Variants in TSPAN10 observed in about 807,000 individuals in gnomAD.
TSPAN10 encodes tetraspanin-10.
A neutral mutation model predicts 15.0 loss-of-function variants in TSPAN10; 11 were observed. The ratio of observed to expected loss-of-function variants is 0.73; its 90% CI spans 0.46 to 1.21. The LOEUF (loss-of-function observed/expected upper bound fraction) is 1.21, where lower values mean the gene tolerates loss of function less well. Among genes scored for constraint, TSPAN10 ranks in the 50% most tolerant of loss-of-function variants. The pLI is 0.00. For missense variants in TSPAN10, 486 were observed against 470.6 expected, an observed-to-expected ratio of 1.03 and a Z score of -0.30; for synonymous variants, 241 against 226.2, an observed-to-expected ratio of 1.07 and a Z score of -0.59.
At chr17:81,645,136 C>A in exon 2 of TSPAN10, 1 of 1,574,884 alleles carries the variant, frequency 6.3e-7, no homozygotes, top group Non-Finnish European at 8.6e-7. Context: ...GAGTGGCACC[C>A]CCAAGAAAGG....
rs775434566 is a variant in TSPAN10 at position 81,645,171 on chromosome 17, G to T, written c.216G>T (p.Gly72=). 3 of 1,553,180 alleles carry T rather than the reference G, an allele frequency of 1.9e-6. No individual in the cohort carries two copies. The Admixed American group carries it at 6.5e-5, about 34-fold the overall frequency. Residue 72 remains glycine (G), a synonymous_variant, in exon 2 of 3, where the codon GGG becomes GGT. Transcript: ENST00000611590. Reference sequence around the variant, plus strand: ...GACCAGCCCCTTCCCTCTCCCCAGGGAGCAGCTGCGTCAAGTATCTGATCT... The same window carrying T: ...GACCAGCCCCTTCCCTCTCCCCAGGTAGCAGCTGCGTCAAGTATCTGATCT...
At chr17:81,645,724 C>A in intron 2 of TSPAN10, 95 bp downstream of exon 3, 1 of 1,471,868 alleles carries the variant, frequency 6.8e-7, no homozygotes, top group Non-Finnish European at 9.3e-7. Flanking sequence ...CACGTACATA[C>A]TCATTCGTGC....
intron 1 of TSPAN10, among the ~76,000 whole-genome samples, chr17:81,642,933 C>T (rs1234732351): frequency 1.3e-5 from 2 of 151,460 alleles, no homozygotes; most frequent in Admixed American, 6.6e-5. Flanking sequence ...GGGAAGATTG[C>T]GTGAGCCCAG....
chr17:81,645,975 A>G (rs2036247588), intron 2 of TSPAN10: 1 of 402,540 alleles, frequency 2.5e-6, no homozygotes, highest in South Asian at 2.6e-5. Flanking sequence ...TCCTTGTTCT[A>G]TGGGCTCAGG....
chr17:81,645,678 G>T (rs766322269), intron 2 of TSPAN10, 49 bp downstream of exon 3: 4 of 1,601,384 alleles, frequency 2.5e-6, no homozygotes, highest in Admixed American at 1.7e-5. Flanking sequence ...GGTCGCAGAG[G>T]CCACACACCC....
chr17:81,648,367 G>C, downstream of TSPAN10: 1 of 1,165,390 alleles, frequency 8.6e-7, no homozygotes. Flanking sequence ...AAAAAGCGCG[G>C]CCTGCGCCGC....
intron 2 of TSPAN10, 141 bp downstream of exon 3, chr17:81,645,770 C>A: frequency 9.3e-7 from 1 of 1,071,580 alleles, no homozygotes; most frequent in Non-Finnish European, 1.4e-6. Flanking sequence ...CCCACATGTA[C>A]ACGCATATCC....
chr17:81,645,740 C>A, intron 2 of TSPAN10, 111 bp downstream of exon 3: 1 of 1,294,728 alleles, frequency 7.7e-7, no homozygotes, highest in South Asian at 1.3e-5. Context: ...CGTGCATGCC[C>A]ACATGCATGC....
chr17:81,645,941 A>G, intron 2 of TSPAN10: 1 of 519,400 alleles, frequency 1.9e-6, no homozygotes, highest in Admixed American at 3.4e-5. Flanking sequence ...TGTCATGCAC[A>G]CAAGGTATAG....
At chr17:81,639,396 CAG>C (rs2036156616), upstream of TSPAN10, among the ~76,000 whole-genome samples, 1 of 151,590 alleles carries the variant, frequency 6.6e-6, no homozygotes, top group African/African-American at 2.4e-5. Flanking sequence ...TTAGTAGAGA[CAG>C]GGTTTCACCA....
chr17:81,640,174 G>A (rs1230708017), upstream of TSPAN10, among the ~76,000 whole-genome samples: 1 of 151,976 alleles, frequency 6.6e-6, no homozygotes, highest in African/African-American at 2.4e-5. Flanking sequence ...AGTAGAGATG[G>A]GATCTTGCTA....
At chr17:81,646,979 A>G (rs2036263481) in intron 2 of TSPAN10, among the ~76,000 whole-genome samples, 1 of 151,970 alleles carries the variant, frequency 6.6e-6, no homozygotes, top group Non-Finnish European at 1.5e-5. Context: ...CACCCCAAGC[A>G]GCACCTACTC....
upstream of TSPAN10, among the ~76,000 whole-genome samples, chr17:81,641,728 C>T (rs1258644734): frequency 6.8e-6 from 1 of 146,364 alleles, no homozygotes; most frequent in Non-Finnish European, 1.5e-5. Flanking sequence ...CCAGCCTGGG[C>T]AGCACAGCAG....
chr17:81,647,910 C>CTAAG lies in TSPAN10; in HGVS notation c.685_686insAAGT (p.Cys229Ter), dbSNP rs1392205655. ...TCCATGCGCCTTGCAGGTACTTTAA[C>CTAAG]TGCAGCTCCCCCGGGGTGCAGGCCT... On this transcript the variant is annotated stop_gained and frameshift_variant, in exon 3 of 3. Coordinates refer to ENST00000611590, the Ensembl canonical transcript of TSPAN10. LOFTEE classifies it low-confidence loss of function (END_TRUNC). The CTAAG allele has an allele frequency of 1.2e-3, 1,863 of 1,603,412 alleles. 2 individuals are homozygous for CTAAG. The highest frequency in any genetic ancestry group is 1.5e-3 in the Non-Finnish European group (1,763 of 1,178,496).
downstream of TSPAN10, chr17:81,648,323 C>G (rs1362944013): frequency 1.7e-6 from 2 of 1,202,924 alleles, no homozygotes; most frequent in Non-Finnish European, 2.1e-6. Context: ...GAGACCGCCA[C>G]GCACAGGGAT....
chr17:81,648,057 G>A lies in TSPAN10; in HGVS notation c.831G>A (p.Glu277=), dbSNP rs754338166. The A allele has an allele frequency of 4.4e-6, 7 of 1,576,464 alleles. No individual in the cohort carries two copies. In the East Asian group the frequency reaches 1.4e-4, roughly 32 times the overall value. The change falls in exon 3 of 3, where the codon GAG becomes GAA. Residue 277 remains glutamate, a synonymous_variant. Transcript: ENST00000611590. ...CAGCTCAGAGAGTGGTGTACCTGGA[G>A]GGCTGCGGCCCGCCGCTCCGGCGGT...
intron 2 of TSPAN10, chr17:81,645,975 A>C: frequency 7.5e-6 from 3 of 402,658 alleles, no homozygotes; most frequent in East Asian, 6.1e-5. Flanking sequence ...TCCTTGTTCT[A>C]TGGGCTCAGG....
exon 3 of TSPAN10, chr17:81,647,998 T>C (rs1281237144): frequency 3.1e-6 from 5 of 1,610,828 alleles, no homozygotes; most frequent in Non-Finnish European, 4.2e-6. Context: ...CAACGACCAG[T>C]GCGGCTTCGG....
intron 2 of TSPAN10, among the ~76,000 whole-genome samples, chr17:81,646,849 GTTTGTTTGTTTT>G (rs796948386): frequency 3.3e-3 from 147 of 44,526 alleles, no homozygotes; most frequent in Admixed American, 0.011. Flanking sequence ...TTGTTGGTTT[GTTTGTTTGTTTT>G]TTTGAGACGG....
Sources: allele counts gnomAD v4.1 joint callset (sites outside exome capture counted in the v4.1 genomes callset), GRCh38; gene constraint gnomAD v4.1.1; transcripts MANE v1.5; gene names NCBI Gene and HGNC (gene_info 2026-07-23, HGNC 2026-07-21).